Variants in NTM observed in about 807,000 individuals in gnomAD.
The protein encoded by NTM is IgLON family member 2.
A neutral mutation model predicts 42.1 loss-of-function variants in NTM; 13 were observed. That is an observed-to-expected ratio of 0.31 (90% confidence interval 0.20 to 0.49). The LOEUF (loss-of-function observed/expected upper bound fraction) is 0.49, where lower values mean the gene tolerates loss of function less well. NTM is among the 20% of genes least tolerant of loss of function. The probability of loss-of-function intolerance (pLI) is 0.99; values close to 1 mark genes in which losing one functional copy is unlikely to be tolerated. For synonymous variants in NTM, 187 were observed against 179.2 expected, an observed-to-expected ratio of 1.04 and a Z score of -0.35; for missense variants, 373 against 452.8, an observed-to-expected ratio of 0.82 and a Z score of 1.60.
intron 2 of NTM, among the ~76,000 whole-genome samples, chr11:132,044,791 A>G (rs1376237632): frequency 2.0e-5 from 3 of 152,182 alleles, no homozygotes; most frequent in Non-Finnish European, 4.4e-5. Flanking sequence ...CGAAATGGAT[A>G]AATTCCTGGA....
intron 1 of NTM, among the ~76,000 whole-genome samples, chr11:131,854,783 G>A (rs1289071497): frequency 1.3e-5 from 2 of 152,144 alleles, no homozygotes; most frequent in Non-Finnish European, 2.9e-5. Flanking sequence ...ATTAAAAGGG[G>A]CACTCTTAAT....
chr11:132,155,310 G>T (rs772862597), intron 3 of NTM, among the ~76,000 whole-genome samples: 3 of 152,158 alleles, frequency 2.0e-5, no homozygotes, highest in Non-Finnish European at 2.9e-5. Context: ...TTGGAGAAGG[G>T]TGTCAAGTAG....
chr11:131,880,185 G>T (rs563540374), intron 1 of NTM, among the ~76,000 whole-genome samples: 4 of 152,068 alleles, frequency 2.6e-5, no homozygotes, highest in African/African-American at 9.7e-5. Flanking sequence ...TCAATAAATC[G>T]AACCAAGAAG....
chr11:131,918,613 C>G (rs1307975633), intron 2 of NTM, among the ~76,000 whole-genome samples: 1 of 152,116 alleles, frequency 6.6e-6, no homozygotes, highest in Non-Finnish European at 1.5e-5. Flanking sequence ...GTGTCTGACT[C>G]CTAGGCAATC....
chr11:131,715,464 C>G (rs1362752496), intron 1 of NTM, among the ~76,000 whole-genome samples: 6 of 152,156 alleles, frequency 3.9e-5, no homozygotes, highest in Non-Finnish European at 8.8e-5. Flanking sequence ...ATATGTTTAA[C>G]AGCTTTATTG....
intron 1 of NTM, among the ~76,000 whole-genome samples, chr11:131,821,800 G>A (rs923056897): frequency 6.6e-6 from 1 of 152,286 alleles, no homozygotes; most frequent in South Asian, 2.1e-4. Flanking sequence ...AGACACTGAC[G>A]AGTTTTACAC....
intron 1 of NTM, among the ~76,000 whole-genome samples, chr11:131,523,094 G>A (rs1438670828): frequency 6.6e-6 from 1 of 152,202 alleles, no homozygotes; most frequent in East Asian, 1.9e-4. Flanking sequence ...GCTTGTGGTT[G>A]TACCAGCCGA....
intron 1 of NTM, among the ~76,000 whole-genome samples, chr11:131,831,575 G>A (rs2042825775): frequency 6.6e-6 from 1 of 152,144 alleles, no homozygotes; most frequent in Non-Finnish European, 1.5e-5. Flanking sequence ...CAAGCAATTT[G>A]TACAGTGTTC....
At chr11:131,936,594 A>C (rs112479596) in intron 2 of NTM, among the ~76,000 whole-genome samples, 2,745 of 152,348 alleles carry the variant, frequency 0.018, 33 homozygotes, top group Non-Finnish European at 0.027. Flanking sequence ...TCACTATAAA[A>C]TTCATCTGTG....
At chr11:132,206,755 C>T (rs1268203715) in intron 3 of NTM, among the ~76,000 whole-genome samples, 1 of 152,152 alleles carries the variant, frequency 6.6e-6, no homozygotes, top group East Asian at 1.9e-4. Context: ...ACTTTTTCTG[C>T]CTAGATACCT....
chr11:132,033,661 G>T (rs1047065562), intron 2 of NTM, among the ~76,000 whole-genome samples: 1 of 152,176 alleles, frequency 6.6e-6, no homozygotes, highest in Non-Finnish European at 1.5e-5. Flanking sequence ...ACCAGATGCA[G>T]CGTGAGAAGC....
chr11:131,867,949 TGA>T (rs371865895), intron 1 of NTM, among the ~76,000 whole-genome samples: 42 of 152,216 alleles, frequency 2.8e-4, no homozygotes, highest in African/African-American at 9.9e-4. Flanking sequence ...ATGACCATGT[TGA>T]GTGGAAGAGC....
intron 1 of NTM, among the ~76,000 whole-genome samples, chr11:131,529,358 CAT>C (rs1239575757): frequency 2.0e-5 from 3 of 152,228 alleles, no homozygotes; most frequent in East Asian, 1.9e-4. Flanking sequence ...TTGTTGTAAA[CAT>C]GTGTACATGC....
At chr11:132,327,367 G>A (rs1200876417) in intron 7 of NTM, among the ~76,000 whole-genome samples, 1 of 152,330 alleles carries the variant, frequency 6.6e-6, no homozygotes, top group South Asian at 2.1e-4. Context: ...ATTTATTAAA[G>A]AATGGGGACT....
intron 1 of NTM, among the ~76,000 whole-genome samples, chr11:131,406,626 T>A (rs541847434): frequency 1.9e-4 from 29 of 152,110 alleles, no homozygotes; most frequent in Admixed American, 1.6e-3. Flanking sequence ...CACTAAGAGG[T>A]TAATAACAAA....
chr11:132,187,568 G>A (rs1442480902), intron 3 of NTM, among the ~76,000 whole-genome samples: 1 of 152,122 alleles, frequency 6.6e-6, no homozygotes, highest in Non-Finnish European at 1.5e-5. Context: ...AATTTGCCCT[G>A]GGTAATGAGC....
chr11:132,202,721 C>T (rs1202209540), intron 3 of NTM, among the ~76,000 whole-genome samples: 2 of 152,202 alleles, frequency 1.3e-5, no homozygotes, highest in African/African-American at 2.4e-5. Context: ...TCTCTTATGT[C>T]TCCATCAGGA....
intron 4 of NTM, among the ~76,000 whole-genome samples, chr11:132,241,171 C>G (rs2090127533): frequency 1.3e-5 from 2 of 152,112 alleles, no homozygotes; most frequent in African/African-American, 4.8e-5. Context: ...TTCAAAAAAT[C>G]CAAAATCTGA....
intron 2 of NTM, among the ~76,000 whole-genome samples, chr11:131,982,087 A>C (rs1382820415): frequency 6.6e-6 from 1 of 152,056 alleles, no homozygotes; most frequent in Non-Finnish European, 1.5e-5. Context: ...AAAACACTAA[A>C]AGGAAAAAAA....
Sources: allele counts gnomAD v4.1 joint callset (sites outside exome capture counted in the v4.1 genomes callset), GRCh38; gene constraint gnomAD v4.1.1; transcripts MANE v1.5; gene names NCBI Gene and HGNC (gene_info 2026-07-23, HGNC 2026-07-21).